The following PTPRH variants were observed in gnomAD, a reference collection of about 807,000 sequenced individuals.
PTPRH encodes receptor-type tyrosine-protein phosphatase H.
A neutral mutation model predicts 130.2 loss-of-function variants in PTPRH; 113 were observed. The observed-to-expected ratio is 0.87, with a 90% CI of 0.75 to 1.01. The LOEUF (loss-of-function observed/expected upper bound fraction) is 1.01. Among genes scored for constraint, PTPRH ranks in the 50% least tolerant of loss-of-function variants. PTPRH has a pLI of 0.00. For missense variants in PTPRH, 1,430 were observed against 1,425.0 expected, an observed-to-expected ratio of 1.00 and a Z score of -0.06; for synonymous variants, 556 against 577.9, an observed-to-expected ratio of 0.96 and a Z score of 0.54.
chr19:55,200,770 T>C (rs1438039496), intron 6 of PTPRH, among the ~76,000 whole-genome samples: 1 of 151,998 alleles, frequency 6.6e-6, no homozygotes, highest in African/African-American at 2.4e-5. Context: ...CGGTGAAACC[T>C]GTCTCTACTA....
At chr19:55,183,882 C>G (rs2086246392) in intron 18 of PTPRH, among the ~76,000 whole-genome samples, 1 of 152,166 alleles carries the variant, frequency 6.6e-6, no homozygotes, top group Non-Finnish European at 1.5e-5. Flanking sequence ...CCTCCAGGGC[C>G]TGGAAGCTAC....
intron 7 of PTPRH, among the ~76,000 whole-genome samples, chr19:55,199,429 A>C (rs2086787331): frequency 6.6e-6 from 1 of 152,128 alleles, no homozygotes; most frequent in South Asian, 2.1e-4. Context: ...ACATGGCAAA[A>C]CCCTGTCTCT....
intron 10 of PTPRH, chr19:55,192,212 T>C (rs2086563285): frequency 8.7e-6 from 3 of 343,542 alleles, no homozygotes; most frequent in Admixed American, 4.1e-5. Context: ...ACCATCCTGG[T>C]TAACACGGTG....
At position 55,206,906 on chromosome 19, in the gene PTPRH, G is replaced by T. The variant is rs2087082151; in HGVS notation, c.135C>A (p.Ser45=). The change falls in exon 3 of 20, where the codon TCC becomes TCA. Residue 45 remains serine (S), a synonymous_variant. Coordinates refer to ENST00000376350, the MANE Select transcript of PTPRH (RefSeq NM_002842.5). ...NLTVETQTTS[S]ISLSWEVPDG... is the part of the protein sequence containing the mutation. ...CGGGGACCTCCCAGCTCAGGGAGATGGAGCTGGTGGTCTGAGTCTCCACTG... is the reference window on the plus strand; with the variant it reads ...CGGGGACCTCCCAGCTCAGGGAGATTGAGCTGGTGGTCTGAGTCTCCACTG... 6.8e-6 allele frequency: 11 copies of T among 1,612,072 alleles called. No homozygotes were observed. Among genetic ancestry groups the T allele is most frequent in the Non-Finnish European group, 8.5e-6 (10 of 1,178,586 alleles).
rs754089120 is a variant in PTPRH, at chr19:55,209,482, A to G, written c.-49T>C. The stretch of plus-strand genomic sequence containing the variant: ...CAGGAGTCCCAGGCCTAGTCCTTCC[A>G]CCTGCTGGACTTTACACTCAAGAAT... On this transcript the variant is annotated 5_prime_UTR_variant, in exon 1 of 20. Transcript: ENST00000376350. The surrounding 1 kb of genome is among the most constrained non-coding windows in gnomAD (Gnocchi z 4.1). 1.1e-5 allele frequency: 14 copies of G among 1,285,942 alleles called. No homozygotes were observed. The highest frequency in any genetic ancestry group is 4.4e-6 in the Non-Finnish European group (4 of 910,224). The allele number at this position is 1,285,942 out of a possible 1,614,324, so 79.7% of individuals were successfully genotyped here.
At chr19:55,191,885 G>A (rs543128446) in intron 10 of PTPRH, 144 bp from the exon 11 acceptor site, 36 of 775,778 alleles carry the variant, frequency 4.6e-5, no homozygotes, top group South Asian at 3.9e-4. Flanking sequence ...GAATTGCGTC[G>A]GTCCAGTTAT....
At position 55,197,236 on chromosome 19, in the gene PTPRH, C is replaced by T. The variant is rs770463231; in HGVS notation, c.1871G>A (p.Arg624Lys). ...CACTTTGTACCACGTCTCATTGGTC[C>T]TGCTGGTCTGGTTGACCCAATTCGC... is the stretch of plus-strand genomic sequence containing the variant. ...PQANWVNQTS[R>K]TNETWYKVEA... The change falls in exon 9 of 20, where the codon AGG (arginine) becomes AAG (lysine). Residue 624 changes from arginine to lysine, a missense_variant. Coordinates refer to ENST00000376350, the MANE Select transcript of PTPRH (RefSeq NM_002842.5). 1.4e-5 allele frequency: 23 copies of T among 1,614,146 alleles called. No individual in the cohort carries two copies. The highest frequency in any genetic ancestry group is 1.8e-5 in the Non-Finnish European group (21 of 1,180,064).
At chr19:55,197,750 G>A (rs143521397) in intron 8 of PTPRH, among the ~76,000 whole-genome samples, 1 of 152,318 alleles carries the variant, frequency 6.6e-6, no homozygotes, top group Non-Finnish European at 1.5e-5. Flanking sequence ...GCCCCATGGT[G>A]TGATGGGATT....
chr19:55,196,476 A>G (rs1382692164), intron 10 of PTPRH, 46 bp downstream of exon 10: 5 of 1,580,378 alleles, frequency 3.2e-6, no homozygotes, highest in South Asian at 2.2e-5. Context: ...GATGGGGTCT[A>G]CCGAGAATTT....
chr19:55,206,605 C>T (rs564219360), intron 3 of PTPRH, 84 bp downstream of exon 3: 113 of 1,344,218 alleles, frequency 8.4e-5, no homozygotes, highest in Non-Finnish European at 1.0e-4. Context: ...AACTAAAGAA[C>T]CTGTCGCATT....
At chr19:55,204,448 C>T (rs893496678) in intron 4 of PTPRH, among the ~76,000 whole-genome samples, 7 of 152,204 alleles carry the variant, frequency 4.6e-5, no homozygotes, top group African/African-American at 1.7e-4. Context: ...TGTCCCTCAA[C>T]AGCTGGTGCC....
rs144746522 is a variant in PTPRH, at chr19:55,205,349, C to T, written c.596G>A (p.Arg199Gln). 1.8e-5 allele frequency: 29 copies of T among 1,614,054 alleles called. No homozygotes were observed. The highest frequency in any genetic ancestry group is 9.3e-5 in the African/African-American group (7 of 74,918). ...ACCTGTGGTGGCATTTCGAGTCTCCCGGGAGCTGTTGATTCCATTCTTTCC... is the reference window on the plus strand; with the variant it reads ...ACCTGTGGTGGCATTTCGAGTCTCCTGGGAGCTGTTGATTCCATTCTTTCC... ...WVGKNGINSSRETRNATTAHN... is the reference protein window; with the variant it reads ...WVGKNGINSSQETRNATTAHN... The change falls in exon 4 of 20, where the codon CGG becomes CAG. Residue 199 changes from arginine (R) to glutamine (Q), a missense_variant. Coordinates refer to ENST00000376350, the MANE Select transcript of PTPRH (RefSeq NM_002842.5).
intron 13 of PTPRH, 116 bp downstream of exon 13, chr19:55,187,960 CAT>C (rs2086410797): frequency 4.2e-6 from 3 of 721,020 alleles, no homozygotes; most frequent in East Asian, 2.5e-5. Context: ...AATCCAATGA[CAT>C]ATGTGATGCT....
chr19:55,188,064 T>C lies in PTPRH; in HGVS notation c.2475+14A>G, dbSNP rs187172728. ...GGAGGGAGACTGAGCTCAGCCCCTC[T>C]GTCCTCTCCCCACCTGGTACTCGTC... On this transcript the variant is annotated intron_variant, in intron 13 of 19. Coordinates refer to ENST00000376350, the MANE Select transcript of PTPRH (RefSeq NM_002842.5). 56 of 1,607,296 alleles carry C rather than the reference T, an allele frequency of 3.5e-5. No homozygotes were observed. Among genetic ancestry groups the C allele is most frequent in the Non-Finnish European group, 4.6e-5 (54 of 1,173,852 alleles).
At chr19:55,196,438 TC>T (rs1323737390) in intron 10 of PTPRH, 83 bp downstream of exon 10, 3 of 1,408,970 alleles carry the variant, frequency 2.1e-6, no homozygotes, top group Non-Finnish European at 2.9e-6. Flanking sequence ...AACAAAAGAG[TC>T]CCACTGATTT....
At chr19:55,195,808 T>A (rs2086664399) in intron 10 of PTPRH, among the ~76,000 whole-genome samples, 1 of 152,052 alleles carries the variant, frequency 6.6e-6, no homozygotes, top group East Asian at 1.9e-4. Context: ...TGAGCTCAAG[T>A]GATCCTTCCA....
chr19:55,193,187 G>A (rs767669184), intron 10 of PTPRH, among the ~76,000 whole-genome samples: 2 of 149,600 alleles, frequency 1.3e-5, no homozygotes, highest in Non-Finnish European at 3.0e-5. Flanking sequence ...GAGATTGCAC[G>A]ACTGCACTCC....
Position 55,181,785 on chromosome 19 carries a change from G to T in PTPRH, c.3317C>A (p.Ala1106Asp), listed in dbSNP as rs1449777817. Residue 1106 changes from alanine (A) to aspartate (D), a missense_variant, in exon 20 of 20, where the codon GCC becomes GAC. Ala to Asp is a moderately radical substitution (Grantham distance 126). Transcript: ENST00000376350. ...CTCCAACTTGTGGGCCTGGATGGCG[G>T]CCACGTTCTCGTAGATGAGGTTTTC... ...DVENLIYENV[A>D]AIQAHKLEV 1.2e-6 allele frequency: 2 copies of T among 1,614,036 alleles called. No individual in the cohort carries two copies. The highest frequency in any genetic ancestry group is 1.7e-6 in the Non-Finnish European group (2 of 1,180,046).
Position 55,200,358 on chromosome 19 carries a change from C to A in PTPRH, c.1298G>T (p.Arg433Leu), listed in dbSNP as rs753627783. 14 of 1,613,908 alleles carry A rather than the reference C, an allele frequency of 8.7e-6. No homozygotes were observed. The highest frequency in any genetic ancestry group is 1.2e-5 in the Non-Finnish European group (14 of 1,180,002). The change falls in exon 7 of 20, where the codon CGA (arginine) becomes CTA (leucine). Residue 433 changes from arginine to leucine, a missense_variant. Arg to Leu is a moderately radical substitution (Grantham distance 102). Transcript: ENST00000376350. ...TGTCACACTGGTATTTGTTGTGTTT[C>A]GGGTCTCTGTGCCACCACCGTCTCC... ...YTGDGGGTET[R>L]NTTNTSVTAE...
Sources: allele counts gnomAD v4.1 joint callset (sites outside exome capture counted in the v4.1 genomes callset), GRCh38; gene constraint gnomAD v4.1.1; non-coding constraint Gnocchi (gnomAD v3.1); transcripts MANE v1.5; gene names NCBI Gene and HGNC (gene_info 2026-07-23, HGNC 2026-07-21).